Variants in SLCO3A1 observed in about 807,000 individuals in gnomAD.
The protein encoded by SLCO3A1 is PGE1 transporter.
A neutral mutation model predicts 63.1 loss-of-function variants in SLCO3A1; 27 were observed. The observed-to-expected ratio is 0.43, with a 90% CI of 0.32 to 0.59. SLCO3A1 has a LOEUF of 0.59. Among genes scored for constraint, SLCO3A1 ranks in the 20% least tolerant of loss-of-function variants. The pLI is 0.09. For synonymous variants in SLCO3A1, 473 were observed against 409.9 expected, an observed-to-expected ratio of 1.15 and a Z score of -1.86; for missense variants, 773 against 945.8, an observed-to-expected ratio of 0.82 and a Z score of 2.40.
At position 92,023,659 on chromosome 15, in the gene SLCO3A1, G is replaced by A. The variant is rs141490316; in HGVS notation, c.647-71222G>A. On this transcript the variant is annotated intron_variant, in intron 2 of 9. Coordinates refer to ENST00000318445, the MANE Select transcript of SLCO3A1 (RefSeq NM_013272.4). ...AATTTTTGTATTTTTAGTAGAGACGGGATTTCACTTTGTTGCCCAGGCTGA... is the reference window on the plus strand; with the variant it reads ...AATTTTTGTATTTTTAGTAGAGACGAGATTTCACTTTGTTGCCCAGGCTGA... Among the ~76,000 whole-genome samples the A allele has an allele frequency of 7.7e-3, 1,176 of 152,164 alleles. 12 individuals are homozygous for A. The highest frequency in any genetic ancestry group is 0.027 in the African/African-American group (1,108 of 41,526).
chr15:91,871,634 G>T (rs1471860200), intron 1 of SLCO3A1, among the ~76,000 whole-genome samples: 3 of 152,064 alleles, frequency 2.0e-5, no homozygotes, highest in African/African-American at 7.2e-5. Flanking sequence ...TTTATTCACT[G>T]TTTTGTCTTC....
chr15:91,998,938 A>G (rs1040597409), intron 2 of SLCO3A1, among the ~76,000 whole-genome samples: 2 of 152,268 alleles, frequency 1.3e-5, no homozygotes, highest in African/African-American at 4.8e-5. Context: ...CATATACATC[A>G]TAGAATACCG....
intron 9 of SLCO3A1, chr15:92,157,340 ACCACCATCATC>A (rs2048383450): frequency 6.6e-6 from 1 of 152,192 alleles, no homozygotes; most frequent in Non-Finnish European, 1.5e-5. Context: ...AAAGAAATAC[ACCACCATCATC>A]AAGCTCCCTT....
At chr15:91,907,970 A>G (rs1207314479) in intron 1 of SLCO3A1, among the ~76,000 whole-genome samples, 2 of 152,142 alleles carry the variant, frequency 1.3e-5, no homozygotes, top group Non-Finnish European at 2.9e-5. Flanking sequence ...AGCTTTCATG[A>G]TCCTGCTGCA....
rs542577572 is a variant in SLCO3A1, at chr15:91,944,626, G to T, written c.646+28168G>T. Among the ~76,000 whole-genome samples the T allele has an allele frequency of 3.3e-5, 5 of 152,186 alleles. No individual in the cohort carries two copies. The South Asian group carries it at 1.0e-3, about 32-fold the overall frequency. Reference sequence around the variant, plus strand: ...ATTATGACAATGCAAGTCCTGGAGGGTTTGCATCTCTGATATGGAGGAGTC... The same window carrying T: ...ATTATGACAATGCAAGTCCTGGAGGTTTTGCATCTCTGATATGGAGGAGTC... On this transcript the variant is annotated intron_variant, in intron 2 of 9. Coordinates refer to ENST00000318445, the MANE Select transcript of SLCO3A1 (RefSeq NM_013272.4).
chr15:92,129,540 A>T (rs2151569607), intron 7 of SLCO3A1, among the ~76,000 whole-genome samples: 1 of 152,114 alleles, frequency 6.6e-6, no homozygotes, highest in Admixed American at 6.5e-5. Context: ...TTCTCACTTT[A>T]TTACGATGAT....
At chr15:91,890,976 G>C (rs932311071) in intron 1 of SLCO3A1, among the ~76,000 whole-genome samples, 4 of 152,166 alleles carry the variant, frequency 2.6e-5, no homozygotes, top group South Asian at 2.1e-4. Context: ...TGTGCATTCT[G>C]TCAGAAAATA....
intron 1 of SLCO3A1, among the ~76,000 whole-genome samples, chr15:91,881,726 T>A (rs748078596): frequency 9.2e-5 from 14 of 152,044 alleles, no homozygotes; most frequent in Non-Finnish European, 1.8e-4. Flanking sequence ...AGAATGCAAG[T>A]CCCCTGTGGT....
exon 11 of SLCO3A1, chr15:92,172,433 C>A (rs1029595476): frequency 6.6e-6 from 1 of 152,262 alleles, no homozygotes; most frequent in Non-Finnish European, 1.5e-5. Flanking sequence ...TATTTTAATT[C>A]TTCCTCTGTC....
chr15:91,885,216 C>T lies in SLCO3A1; in HGVS notation c.181-30777C>T, dbSNP rs980076044. Among the ~76,000 whole-genome samples the T allele has an allele frequency of 3.9e-5, 6 of 152,194 alleles. No homozygotes were observed. Among genetic ancestry groups the T allele is most frequent in the Non-Finnish European group, 5.9e-5 (4 of 68,026 alleles). ...TTGCTCCCTTTGGCGTCACTCTCCA[C>T]GCCCAGTAACGAAGCCCCACCCCTG... On this transcript the variant is annotated intron_variant, in intron 1 of 9. Transcript: ENST00000318445. This position sits in a 1 kb window ranked among gnomAD's most constrained non-coding sequence, Gnocchi z 4.7.
chr15:91,963,203 A>G (rs975087325), intron 2 of SLCO3A1, among the ~76,000 whole-genome samples: 1 of 152,144 alleles, frequency 6.6e-6, no homozygotes, highest in African/African-American at 2.4e-5. Flanking sequence ...GGCCCGGGAA[A>G]GTCCTAGGCA....
In SLCO3A1 at chr15:92,155,966, A is replaced by C. The variant is rs148556274; in HGVS notation, c.1753+4952A>C. On this transcript the variant is annotated intron_variant, in intron 9 of 9. Transcript: ENST00000318445. Reference sequence around the variant, plus strand: ...ATTTTCCAGCCTGCCCGCCTAGCCAAAAGCATAGGGAAGGCCCTCGGGGTG... The same window carrying C: ...ATTTTCCAGCCTGCCCGCCTAGCCACAAGCATAGGGAAGGCCCTCGGGGTG... Among the ~76,000 whole-genome samples the C allele has an allele frequency of 7.5e-3, 1,148 of 152,248 alleles. 5 individuals carry two copies. Among genetic ancestry groups the C allele is most frequent in the Non-Finnish European group, 0.011 (782 of 68,020 alleles).
chr15:92,130,619 TGCAGCA>T (rs1194408482), intron 7 of SLCO3A1, among the ~76,000 whole-genome samples: 1 of 151,928 alleles, frequency 6.6e-6, no homozygotes, highest in Admixed American at 6.6e-5. Context: ...CCATAAAACT[TGCAGCA>T]GCAGCAGCAG....
At position 92,143,466 on chromosome 15, in the gene SLCO3A1, A is replaced by G. The variant is rs1323052742; in HGVS notation, c.1513-3518A>G. Among the ~76,000 whole-genome samples, 2 of 19,676 alleles carry G rather than the reference A, an allele frequency of 1.0e-4. 1 individual carries two copies. The highest frequency in any genetic ancestry group is 5.4e-4 in the African/African-American group (2 of 3,704). The allele number at this position is 19,676 out of a possible 152,430, so 12.9% of individuals were successfully genotyped here. A position where few individuals can be genotyped will look rare whatever the true frequency, so the allele number is the denominator to read the frequency against. On this transcript the variant is annotated intron_variant, in intron 7 of 9. Transcript: ENST00000318445. ...TATATATATAATATATATAATATAT[A>G]TAAATATATATATATATTATATATA... is the stretch of plus-strand genomic sequence containing the variant.
intron 5 of SLCO3A1, among the ~76,000 whole-genome samples, chr15:92,125,503 C>A (rs560084167): frequency 2.0e-4 from 30 of 152,286 alleles, no homozygotes; most frequent in African/African-American, 7.0e-4. Context: ...GATGCCACTT[C>A]CTGAGGGGTG....
intron 2 of SLCO3A1, among the ~76,000 whole-genome samples, chr15:91,951,558 CTTTT>C (rs527858153): frequency 1.4e-5 from 2 of 138,100 alleles, no homozygotes; most frequent in Admixed American, 1.4e-4. Flanking sequence ...TTTTTCTTTT[CTTTT>C]TTTTTTTTTT....
intron 1 of SLCO3A1, among the ~76,000 whole-genome samples, chr15:91,895,430 A>G (rs1897979512): frequency 6.6e-6 from 1 of 152,210 alleles, no homozygotes; most frequent in Non-Finnish European, 1.5e-5. Context: ...CATAGGATTT[A>G]GGGCTGTTTT....
intron 1 of SLCO3A1, chr15:91,889,349 C>A: frequency 2.8e-6 from 1 of 355,964 alleles, no homozygotes. Flanking sequence ...CAGCACTTAT[C>A]CTAGCCCTTC....
chr15:91,978,909 C>G (rs748686340), intron 2 of SLCO3A1, among the ~76,000 whole-genome samples: 4 of 152,230 alleles, frequency 2.6e-5, no homozygotes, highest in Non-Finnish European at 5.9e-5. Context: ...AACCTCTGGT[C>G]TAGTTCAACA....
Sources: allele counts gnomAD v4.1 joint callset (sites outside exome capture counted in the v4.1 genomes callset), GRCh38; gene constraint gnomAD v4.1.1; non-coding constraint Gnocchi (gnomAD v3.1); transcripts MANE v1.5; gene names NCBI Gene and HGNC (gene_info 2026-07-23, HGNC 2026-07-21).